Variants in LRBA observed in about 807,000 individuals in gnomAD.
The protein encoded by LRBA is lipopolysaccharide-responsive and beige-like anchor protein.
LRBA carries 176 observed loss-of-function variants against 330.0 expected under a neutral mutation model. The ratio of observed to expected loss-of-function variants is 0.53; its 90% CI spans 0.47 to 0.60. The LOEUF (loss-of-function observed/expected upper bound fraction) is 0.60. Ranked by LOEUF, LRBA falls within the 20% of genes least tolerant of loss-of-function variation. The probability of loss-of-function intolerance (pLI) is 0.00; values close to 1 mark genes in which losing one functional copy is unlikely to be tolerated. For synonymous variants in LRBA, 1,230 were observed against 1,193.0 expected (o/e 1.03, Z -0.64); for missense variants, 3,259 against 3,444.8 (o/e 0.95, Z 1.35).
intron 47 of LRBA, among the ~76,000 whole-genome samples, chr4:150,391,972 T>TAA (rs150931536): frequency 1.9e-5 from 2 of 107,438 alleles, no homozygotes; most frequent in African/African-American, 7.5e-5. Context: ...TGTTACTCTT[T>TAA]AAAAAAAAAA....
intron 46 of LRBA, among the ~76,000 whole-genome samples, chr4:150,420,243 AT>A (rs1042935831): frequency 6.7e-6 from 1 of 148,260 alleles, no homozygotes; most frequent in Non-Finnish European, 1.5e-5. Context: ...CTCAAAAAAA[AT>A]ACATATATAT....
At chr4:150,534,761 T>C (rs1477541068) in intron 40 of LRBA, among the ~76,000 whole-genome samples, 2 of 152,214 alleles carry the variant, frequency 1.3e-5, no homozygotes, top group Non-Finnish European at 2.9e-5. Flanking sequence ...AATAAGCCTA[T>C]GTATGCAACA....
At position 150,808,348 on chromosome 4, in the gene LRBA, C is replaced by G; in HGVS notation, c.5356G>C (p.Val1786Leu). ...KLPSVPTVDSVSQDPVSNMSI... is the reference protein window; with the variant it reads ...KLPSVPTVDSLSQDPVSNMSI... ...ATATTTGAAACCGGATCTTGTGAAACTGAATCAACTGTTGGAACTGAGGGC... is the reference window on the plus strand; with the variant it reads ...ATATTTGAAACCGGATCTTGTGAAAGTGAATCAACTGTTGGAACTGAGGGC... The change falls in exon 32 of 57, where the codon GTT (valine) becomes CTT (leucine). Residue 1786 changes from valine to leucine, a missense_variant. By Grantham distance (32) the Val-to-Leu change is conservative (BLOSUM62 1). Transcript: ENST00000651943. The G allele has an allele frequency of 1.2e-6, 2 of 1,612,288 alleles. No individual in the cohort carries two copies. Among genetic ancestry groups the G allele is most frequent in the Non-Finnish European group, 1.7e-6 (2 of 1,178,922 alleles).
intron 36 of LRBA, among the ~76,000 whole-genome samples, chr4:150,697,605 TA>T (rs1784763415): frequency 6.6e-6 from 1 of 152,064 alleles, no homozygotes; most frequent in Non-Finnish European, 1.5e-5. Context: ...ATTACCTTCA[TA>T]AAGGAATTAT....
intron 42 of LRBA, among the ~76,000 whole-genome samples, chr4:150,473,636 C>CT (rs974027838): frequency 1.4e-4 from 22 of 152,262 alleles, no homozygotes; most frequent in Middle Eastern, 6.8e-3. Flanking sequence ...TCCTTCACTT[C>CT]TTACCCCATC....
At chr4:150,299,314 T>C (rs189697264) in intron 53 of LRBA, among the ~76,000 whole-genome samples, 9 of 152,152 alleles carry the variant, frequency 5.9e-5, no homozygotes, top group African/African-American at 1.2e-4. Flanking sequence ...TTTCTTCTCA[T>C]TGAAAAAACT....
intron 47 of LRBA, among the ~76,000 whole-genome samples, chr4:150,382,433 A>G (rs560386234): frequency 6.6e-6 from 1 of 152,122 alleles, no homozygotes; most frequent in Admixed American, 6.5e-5. Context: ...AGACCAGCCT[A>G]GCCAACACGG....
chr4:150,771,144 CTG>C (rs1034666270), intron 34 of LRBA, among the ~76,000 whole-genome samples: 2 of 152,122 alleles, frequency 1.3e-5, no homozygotes, highest in Admixed American at 1.3e-4. Context: ...GGCCAGCAGA[CTG>C]TAAGATCACA....
At position 150,302,632 on chromosome 4, in the gene LRBA, G is replaced by T. The variant is rs1164607984; in HGVS notation, c.8010C>A (p.Asn2670Lys). The change falls in exon 53 of 57, where the codon AAC becomes AAA. Residue 2670 changes from asparagine to lysine, a missense_variant. Physicochemically the swap from Asn to Lys is moderately conservative, Grantham distance 94. Coordinates refer to ENST00000651943, the MANE Select transcript of LRBA (RefSeq NM_001364905.1). Reference sequence around the variant, plus strand: ...AAAATGAGTCATACTTACTGCCTGGGTTATCTCCAATCCCACTGCATTTTC... The same window carrying T: ...AAAATGAGTCATACTTACTGCCTGGTTTATCTCCAATCCCACTGCATTTTC... ...WNGKCSGIGD[N>K]PGSETAAPRA... 16 of 1,603,862 alleles carry T rather than the reference G, an allele frequency of 1.0e-5. No individual in the cohort carries two copies. Among genetic ancestry groups the T allele is most frequent in the East Asian group, 2.2e-5 (1 of 44,534 alleles).
intron 40 of LRBA, among the ~76,000 whole-genome samples, chr4:150,497,384 G>A (rs1759717976): frequency 6.6e-6 from 1 of 152,024 alleles, no homozygotes; most frequent in Admixed American, 6.6e-5. Context: ...AGTCGACTCT[G>A]GTGGAAAATT....
chr4:150,892,514 T>C (rs1280169599), intron 17 of LRBA, among the ~76,000 whole-genome samples: 1 of 151,720 alleles, frequency 6.6e-6, no homozygotes, highest in African/African-American at 2.4e-5. Flanking sequence ...AAGAGGAGAG[T>C]CTTCACCAAA....
intron 2 of LRBA, among the ~76,000 whole-genome samples, chr4:150,980,619 G>T (rs1430470581): frequency 1.3e-5 from 2 of 152,098 alleles, no homozygotes; most frequent in Non-Finnish European, 2.9e-5. Flanking sequence ...CACTGCACTT[G>T]GGTGACAGAG....
chr4:150,849,405 A>C lies in LRBA; in HGVS notation c.4158+17T>G. Reference sequence around the variant, plus strand: ...TCATGTTTTCACACCAATTTTCTATAGTAATTAAGTCCTTACTGTAGCCGA... The same window carrying C: ...TCATGTTTTCACACCAATTTTCTATCGTAATTAAGTCCTTACTGTAGCCGA... On this transcript the variant is annotated intron_variant, in intron 25 of 56. Coordinates refer to ENST00000651943, the MANE Select transcript of LRBA (RefSeq NM_001364905.1). 1 of 1,609,658 alleles carries C rather than the reference A, an allele frequency of 6.2e-7. No homozygotes were observed. The highest frequency in any genetic ancestry group is 8.5e-7 in the Non-Finnish European group (1 of 1,178,032).
Position 150,852,587 on chromosome 4 carries a change from C to T in LRBA, c.3123G>A (p.Glu1041=), listed in dbSNP as rs1286031297. The part of the protein sequence containing the change: ...EGTLEETLTN[E]TRNADDLEVS... ...CTTCTAAATCATCTGCATTCCTTGTCTCATTTGTCAGTGTTTCTTCCAAAG... is the reference window on the plus strand; with the variant it reads ...CTTCTAAATCATCTGCATTCCTTGTTTCATTTGTCAGTGTTTCTTCCAAAG... The change falls in exon 23 of 57, where the codon GAG becomes GAA. Residue 1041 remains glutamate, a synonymous_variant. Coordinates refer to ENST00000651943, the MANE Select transcript of LRBA (RefSeq NM_001364905.1). The T allele has an allele frequency of 9.9e-6, 16 of 1,613,874 alleles. No homozygotes were observed. In the South Asian group the frequency reaches 1.5e-4, roughly 16 times the overall value.
At chr4:150,864,893 C>T (rs1752483338) in intron 22 of LRBA, among the ~76,000 whole-genome samples, 1 of 152,050 alleles carries the variant, frequency 6.6e-6, no homozygotes, top group Non-Finnish European at 1.5e-5. Flanking sequence ...GTGATCCAGC[C>T]GCCTCAGCCT....
At chr4:150,833,409 C>A (rs892703723) in intron 28 of LRBA, among the ~76,000 whole-genome samples, 2 of 152,026 alleles carry the variant, frequency 1.3e-5, no homozygotes, top group Non-Finnish European at 2.9e-5. Context: ...ATGAAGAACA[C>A]TGTTCCCTAT....
At chr4:150,317,904 G>A (rs750127120) in intron 50 of LRBA, among the ~76,000 whole-genome samples, 6 of 152,042 alleles carry the variant, frequency 3.9e-5, no homozygotes, top group African/African-American at 4.8e-5. Context: ...ATAAAAAAAC[G>A]CGATTTCATA....
chr4:150,273,497 A>T (rs1162726112), intron 56 of LRBA, among the ~76,000 whole-genome samples: 2 of 152,242 alleles, frequency 1.3e-5, no homozygotes, highest in Non-Finnish European at 2.9e-5. Context: ...TAAATGCTCC[A>T]ATTAAAAGAC....
intron 16 of LRBA, among the ~76,000 whole-genome samples, chr4:150,893,969 G>A (rs72719676): frequency 1.2e-3 from 188 of 152,264 alleles, no homozygotes; most frequent in Non-Finnish European, 1.8e-3. Context: ...GTGAGCCACC[G>A]CGCCCGGCCT....
Sources: gnomAD v4.1 joint callset for allele counts (sites outside exome capture counted in the v4.1 genomes callset) on GRCh38, gnomAD v4.1.1 for gene constraint, MANE v1.5 for transcripts, NCBI Gene and HGNC (gene_info 2026-07-23, HGNC 2026-07-21) for gene names.